Variants in EDEM3 observed in about 807,000 individuals in gnomAD.
EDEM3 encodes the protein ER degradation-enhancing alpha-mannosidase-like protein 3.
Under a neutral mutation model 110.2 loss-of-function variants are expected in EDEM3, and 60 were observed. The ratio of observed to expected loss-of-function variants is 0.54; its 90% confidence interval spans 0.44 to 0.67. The LOEUF is 0.67. EDEM3 is among the 30% of genes least tolerant of loss of function. EDEM3 has a pLI of 0.00. For synonymous variants in EDEM3, 352 were observed against 382.9 expected, an observed-to-expected ratio of 0.92 and a Z score of 0.94; for missense variants, 996 against 1,121.0, an observed-to-expected ratio of 0.89 and a Z score of 1.59.
intron 6 of EDEM3, among the ~76,000 whole-genome samples, chr1:184,731,285 A>T (rs1651501829): frequency 6.6e-6 from 1 of 152,194 alleles, no homozygotes. Flanking sequence ...TTTAAATATA[A>T]AATTTTCTTA....
intron 13 of EDEM3, among the ~76,000 whole-genome samples, chr1:184,712,985 T>C (rs1558050214): frequency 6.6e-6 from 1 of 152,226 alleles, no homozygotes; most frequent in South Asian, 2.1e-4. Context: ...GAAAAAGTCA[T>C]ACAAATTTGA....
At chr1:184,711,077 T>C (rs1650200906) in intron 15 of EDEM3, among the ~76,000 whole-genome samples, 1 of 152,122 alleles carries the variant, frequency 6.6e-6, no homozygotes, top group South Asian at 2.1e-4. Flanking sequence ...GTATTTTCAC[T>C]ACACAGAAAC....
chr1:184,718,374 G>A (rs1190889917), intron 11 of EDEM3, among the ~76,000 whole-genome samples: 1 of 152,056 alleles, frequency 6.6e-6, no homozygotes, highest in Non-Finnish European at 1.5e-5. Flanking sequence ...TGTGATAGAT[G>A]TATTAATTGA....
In EDEM3 at chr1:184,694,420, A is replaced by G; in HGVS notation, c.2442T>C (p.Asn814=). The change falls in exon 20 of 20, where the codon AAT becomes AAC. Residue 814 remains asparagine, a synonymous_variant. Coordinates refer to ENST00000318130, the MANE Select transcript of EDEM3 (RefSeq NM_025191.4). ...EQPSSENDSQ[N]QSGEQISSSS... The stretch of plus-strand genomic sequence containing the variant: ...TTGATGAAATCTGTTCACCACTCTG[A>G]TTCTGAGAATCATTTTCAGAGGATG... The G allele has an allele frequency of 1.9e-6, 3 of 1,609,388 alleles. No homozygotes were observed. The highest frequency in any genetic ancestry group is 2.5e-6 in the Non-Finnish European group (3 of 1,177,642).
chr1:184,706,333 G>C (rs560682045), intron 18 of EDEM3, among the ~76,000 whole-genome samples: 1 of 152,168 alleles, frequency 6.6e-6, no homozygotes, highest in South Asian at 2.1e-4. Flanking sequence ...CCCTTCGGGG[G>C]TTATGGATCT....
In EDEM3 at chr1:184,734,514, G is replaced by A. The variant is rs763432433; in HGVS notation, c.458+17C>T. The A allele has an allele frequency of 5.2e-5, 54 of 1,043,232 alleles. No individual in the cohort carries two copies. In the South Asian group the frequency reaches 9.1e-4, roughly 18 times the overall value. The allele number at this position is 1,043,232 out of a possible 1,614,324, so 64.6% of individuals were successfully genotyped here. On this transcript the variant is annotated intron_variant, in intron 5 of 19. Transcript: ENST00000318130. ...AAAATAAAATAAAATTATAGCTTTA[G>A]TGTCTTTCATACTTACCCAAGAACT...
chr1:184,754,664 C>A lies in EDEM3; in HGVS notation c.-18G>T. 1 of 1,533,048 alleles carries A rather than the reference C, an allele frequency of 6.5e-7. No homozygotes were observed. 95.0% of individuals were successfully genotyped at this position (1,533,048 alleles called of 1,614,324 possible). On this transcript the variant is annotated 5_prime_UTR_variant, in exon 1 of 20. Transcript: ENST00000318130. ...TCGCTCATGGCCCCGCGGTTCCGCG[C>A]ACGCGCAGCTGCTACGCCCGGCCGG...
At chr1:184,721,610 T>A (rs941176529) in intron 8 of EDEM3, among the ~76,000 whole-genome samples, 1 of 152,016 alleles carries the variant, frequency 6.6e-6, no homozygotes, top group Non-Finnish European at 1.5e-5. Flanking sequence ...AAAATAAGCA[T>A]CTTGTGTTCT....
intron 2 of EDEM3, among the ~76,000 whole-genome samples, chr1:184,747,986 C>A (rs12091830): frequency 6.6e-6 from 1 of 152,296 alleles, no homozygotes; most frequent in Admixed American, 6.5e-5. Context: ...TTCATCAGTA[C>A]GCATTTATGA....
chr1:184,726,216 G>T (rs751146997), intron 7 of EDEM3, 39 bp downstream of exon 7: 2 of 1,603,584 alleles, frequency 1.2e-6, no homozygotes, highest in South Asian at 2.2e-5. Flanking sequence ...AGGTAGTTAT[G>T]CCCAATACCC....
chr1:184,747,527 TAGA>T (rs1652498217), intron 2 of EDEM3, among the ~76,000 whole-genome samples: 2 of 152,352 alleles, frequency 1.3e-5, no homozygotes, highest in East Asian at 1.9e-4. Context: ...AGATTGAATA[TAGA>T]AGAAGTACAC....
chr1:184,692,838 G>A lies in EDEM3; in HGVS notation c.*1225C>T, dbSNP rs1322968892. 6.7e-6 allele frequency: 1 copy of A among 149,230 alleles called. No homozygotes were observed. Among genetic ancestry groups the A allele is most frequent in the African/African-American group, 2.5e-5 (1 of 40,694 alleles). The allele number at this position is 149,230 out of a possible 1,614,324, so 9.2% of individuals were successfully genotyped here. A position where few individuals can be genotyped will look rare whatever the true frequency, so the allele number is the denominator to read the frequency against. ...GTCTCATTAAGCTATATAGCTATAT[G>A]TAGTTGTATTGTACTTTTTTTTTTA... is the stretch of plus-strand genomic sequence containing the variant. On this transcript the variant is annotated 3_prime_UTR_variant, in exon 20 of 20. Transcript: ENST00000318130.
intron 1 of EDEM3, 101 bp downstream of exon 1, chr1:184,754,388 C>T (rs1051515572): frequency 1.3e-6 from 2 of 1,542,104 alleles, no homozygotes; most frequent in East Asian, 2.3e-5. Flanking sequence ...CCGTTCCAAT[C>T]GCGACAGGAG....
At chr1:184,719,103 CGTGT>C (rs111917956) in intron 11 of EDEM3, 55 bp downstream of exon 11, 353 of 856,622 alleles carry the variant, frequency 4.1e-4, no homozygotes, top group South Asian at 5.3e-4. Flanking sequence ...TATATGTGTA[CGTGT>C]GTGTGTGTGT....
chr1:184,711,924 T>G, intron 14 of EDEM3, 47 bp from the exon 15 acceptor site: 1 of 1,497,320 alleles, frequency 6.7e-7, no homozygotes, highest in Non-Finnish European at 9.0e-7. Flanking sequence ...TTATTTTACT[T>G]AACATAATTT....
At position 184,716,879 on chromosome 1, in the gene EDEM3, T is replaced by C; in HGVS notation, c.1370+9A>G. 2 of 1,612,606 alleles carry C rather than the reference T, an allele frequency of 1.2e-6. No individual in the cohort carries two copies. Among genetic ancestry groups the C allele is most frequent in the Non-Finnish European group, 1.7e-6 (2 of 1,178,990 alleles). ...CCCTGAGGAAAGAGGATGTTAGCAATTGTTTTACCTGTCCTCATGACTTCC... is the reference window on the plus strand; with the variant it reads ...CCCTGAGGAAAGAGGATGTTAGCAACTGTTTTACCTGTCCTCATGACTTCC... On this transcript the variant is annotated intron_variant, in intron 13 of 19. Transcript: ENST00000318130.
chr1:184,726,418 C>T, intron 6 of EDEM3, 29 bp from the exon 7 acceptor site: 1 of 1,606,280 alleles, frequency 6.2e-7, no homozygotes, highest in South Asian at 1.1e-5. Flanking sequence ...TTGTCATTAG[C>T]AGTTATCAAG....
Position 184,734,574 on chromosome 1 carries a change from C to G in EDEM3, c.415G>C (p.Asp139His). ...KVLRDVNLDN[D>H]VVVSVFETNI... is the part of the protein sequence containing the mutation. ...GTTTCAAAGACTGATACGACTACATCGTTATCTAAATTAACATCTCTTAAA... is the reference window on the plus strand; with the variant it reads ...GTTTCAAAGACTGATACGACTACATGGTTATCTAAATTAACATCTCTTAAA... The change falls in exon 5 of 20, where the codon GAT becomes CAT. Residue 139 changes from aspartate to histidine, a missense_variant. By Grantham distance (81) the Asp-to-His change is moderately conservative. This residue lies in a region of EDEM3 where 200 missense variants were observed against 183.8 expected (regional missense o/e 1.09). Coordinates refer to ENST00000318130, the MANE Select transcript of EDEM3 (RefSeq NM_025191.4). 1 of 1,556,518 alleles carries G rather than the reference C, an allele frequency of 6.4e-7. No homozygotes were observed. The highest frequency in any genetic ancestry group is 2.4e-5 in the East Asian group (1 of 42,504).
rs375729234 is a variant in EDEM3, at chr1:184,746,928, C to G, written c.204+2619G>C. The stretch of plus-strand genomic sequence containing the variant: ...TGACTACAAAAAAGTAAATGACTTA[C>G]AGGCCCTGAAATTCACCTTAAACTT... On this transcript the variant is annotated intron_variant, in intron 2 of 19. Coordinates refer to ENST00000318130, the MANE Select transcript of EDEM3 (RefSeq NM_025191.4). Among the ~76,000 whole-genome samples the G allele has an allele frequency of 4.6e-5, 7 of 151,872 alleles. 1 individual carries two copies. Among genetic ancestry groups the G allele is most frequent in the African/African-American group, 1.4e-4 (6 of 41,394 alleles).
Sources: gnomAD v4.1 joint callset for allele counts (sites outside exome capture counted in the v4.1 genomes callset) on GRCh38, gnomAD v4.1.1 for gene constraint, gnomAD v4.1.1 regional missense constraint, MANE v1.5 for transcripts, NCBI Gene and HGNC (gene_info 2026-07-23, HGNC 2026-07-21) for gene names.